XRN2: variants seen among roughly 807,000 people sequenced by gnomAD.
XRN2 encodes 5'-3' exoribonuclease 2.
In XRN2, 44 loss-of-function variants were observed where a neutral mutation model predicts 138.5. That is an observed-to-expected ratio of 0.32 (90% CI 0.25 to 0.41). The LOEUF is 0.41. XRN2 is among the 10% of genes least tolerant of loss of function. The pLI, the probability that XRN2 is intolerant of heterozygous loss-of-function variation, is 1.00. For synonymous variants in XRN2, 354 were observed against 369.4 expected, an observed-to-expected ratio of 0.96 and a Z score of 0.48; for missense variants, 937 against 1,169.3, an observed-to-expected ratio of 0.80 and a Z score of 2.90.
intron 27 of XRN2, among the ~76,000 whole-genome samples, chr20:21,373,953 G>T (rs1257045962): frequency 1.3e-5 from 2 of 152,168 alleles, no homozygotes; most frequent in African/African-American, 4.8e-5. Context: ...ATGAACAGAG[G>T]TTTATGCCAG....
chr20:21,343,574 T>G (rs1457825259), intron 15 of XRN2, among the ~76,000 whole-genome samples: 1 of 151,062 alleles, frequency 6.6e-6, no homozygotes, highest in African/African-American at 2.4e-5. Flanking sequence ...AGCTGCATTC[T>G]CACCAGCATT....
chr20:21,326,653 A>G, intron 3 of XRN2, 52 bp downstream of exon 3: 1 of 1,409,458 alleles, frequency 7.1e-7, no homozygotes. Flanking sequence ...TTGCTGTGTT[A>G]CCAGTGTCTA....
chr20:21,365,547 TA>T, intron 25 of XRN2, 25 bp from the exon 26 acceptor site: 1 of 1,613,312 alleles, frequency 6.2e-7, no homozygotes, highest in South Asian at 1.1e-5. Flanking sequence ...TCCCTATTAC[TA>T]AGTGTTGTCT....
chr20:21,379,383 T>C (rs1425286709), intron 27 of XRN2, among the ~76,000 whole-genome samples: 1 of 152,216 alleles, frequency 6.6e-6, no homozygotes, highest in Non-Finnish European at 1.5e-5. Context: ...CCAGGTTATA[T>C]ATGTTACTAA....
chr20:21,361,058 A>T (rs1262960537), intron 24 of XRN2, among the ~76,000 whole-genome samples: 1 of 152,212 alleles, frequency 6.6e-6, no homozygotes, highest in Non-Finnish European at 1.5e-5. Flanking sequence ...AATTATGTTA[A>T]CACTCTCTAA....
At chr20:21,316,007 C>CT (rs1346489965) in intron 1 of XRN2, among the ~76,000 whole-genome samples, 1 of 152,148 alleles carries the variant, frequency 6.6e-6, no homozygotes, top group Non-Finnish European at 1.5e-5. Context: ...AATCGCAGCA[C>CT]TTTGGGAGGC....
intron 1 of XRN2, among the ~76,000 whole-genome samples, chr20:21,313,140 T>C (rs1268752589): frequency 6.6e-6 from 1 of 152,246 alleles, no homozygotes; most frequent in Non-Finnish European, 1.5e-5. Context: ...GCTCCTAAGT[T>C]AGGCTTTTCC....
At chr20:21,323,464 G>T (rs6137314) in intron 1 of XRN2, among the ~76,000 whole-genome samples, 2 of 152,122 alleles carry the variant, frequency 1.3e-5, no homozygotes, top group Non-Finnish European at 2.9e-5. Context: ...CTTTGATTAA[G>T]GATCTCTCTT....
In XRN2 at chr20:21,367,236, A is replaced by G. The variant is rs2038714778; in HGVS notation, c.2457-1227A>G. Among the ~76,000 whole-genome samples, 3 of 152,180 alleles carry G rather than the reference A, an allele frequency of 2.0e-5. No individual in the cohort carries two copies. In the South Asian group the frequency reaches 6.2e-4, roughly 31 times the overall value. On this transcript the variant is annotated intron_variant, in intron 26 of 29. Coordinates refer to ENST00000377191, the MANE Select transcript of XRN2 (RefSeq NM_012255.5). ...TGAATTGTCTTTTTCCTAGCTGTAG[A>G]AGATACTATAGAGAGAGGGGACTTG...
chr20:21,377,066 A>G (rs951957739), intron 27 of XRN2, among the ~76,000 whole-genome samples: 4 of 152,164 alleles, frequency 2.6e-5, no homozygotes, highest in African/African-American at 9.7e-5. Flanking sequence ...TGGACTTCCT[A>G]GAAGGCAACC....
At chr20:21,345,519 C>A (rs1364027880) in intron 16 of XRN2, among the ~76,000 whole-genome samples, 2 of 151,992 alleles carry the variant, frequency 1.3e-5, no homozygotes, top group Admixed American at 6.6e-5. Flanking sequence ...GGAAAAGAGG[C>A]CTAAATGGAG....
chr20:21,375,808 GTTTT>G lies in XRN2; in HGVS notation c.2585-6184_2585-6181del, dbSNP rs2038813789. Among the ~76,000 whole-genome samples, 4 of 147,636 alleles carry G rather than the reference GTTTT, an allele frequency of 2.7e-5. No homozygotes were observed. In the South Asian group the frequency reaches 6.3e-4, roughly 23 times the overall value. On this transcript the variant is annotated intron_variant, in intron 27 of 29. Transcript: ENST00000377191. ...TATCCCACTCCCACCAATACCAGGTGTTTTTATTTATTTATTTATTTTTTATTTA... is the reference window on the plus strand; with the variant it reads ...TATCCCACTCCCACCAATACCAGGTGTATTTATTTATTTATTTTTTATTTA...
At chr20:21,369,273 C>G (rs2038736986) in intron 27 of XRN2, among the ~76,000 whole-genome samples, 3 of 152,202 alleles carry the variant, frequency 2.0e-5, no homozygotes, top group African/African-American at 7.2e-5. Context: ...GAACAGTACT[C>G]CATTGTGTAT....
intron 1 of XRN2, among the ~76,000 whole-genome samples, chr20:21,312,378 GC>G (rs2037893502): frequency 6.6e-6 from 1 of 152,104 alleles, no homozygotes; most frequent in Non-Finnish European, 1.5e-5. Context: ...ACAGGTGTGA[GC>G]CACCGTGCCC....
chr20:21,385,068 T>A (rs568545711), intron 28 of XRN2, among the ~76,000 whole-genome samples: 2 of 152,342 alleles, frequency 1.3e-5, no homozygotes, highest in East Asian at 3.9e-4. Context: ...TTATAAGTAA[T>A]CAATTCAAAC....
intron 8 of XRN2, among the ~76,000 whole-genome samples, 179 bp from the exon 9 acceptor site, chr20:21,332,104 C>T (rs954235385): frequency 2.0e-5 from 3 of 152,154 alleles, no homozygotes; most frequent in Non-Finnish European, 2.9e-5. Context: ...TGTAGGTCCA[C>T]GTATCTAGAG....
chr20:21,365,619 A>G lies in XRN2; in HGVS notation c.2371A>G (p.Asn791Asp). 1 of 1,613,356 alleles carries G rather than the reference A, an allele frequency of 6.2e-7. No homozygotes were observed. The highest frequency in any genetic ancestry group is 8.5e-7 in the Non-Finnish European group (1 of 1,179,970). The stretch of plus-strand genomic sequence containing the variant: ...ACCTAGTGACTGGGAAAAATCCAGC[A>G]ATGGACGGCAGTGGAAGCCTCAGCT... ...LKPSDWEKSS[N>D]GRQWKPQLGF... The change falls in exon 26 of 30, where the codon AAT (asparagine) becomes GAT (aspartate). Residue 791 changes from asparagine to aspartate, a missense_variant. Physicochemically the swap from Asn to Asp is conservative, Grantham distance 23. Around this residue, in one of 6 missense-constraint regions of XRN2, gnomAD observed 372 missense variants for 414.4 expected, o/e 0.90. Coordinates refer to ENST00000377191, the MANE Select transcript of XRN2 (RefSeq NM_012255.5).
intron 27 of XRN2, among the ~76,000 whole-genome samples, chr20:21,375,999 C>T (rs1009622813): frequency 2.6e-5 from 4 of 152,026 alleles, no homozygotes; most frequent in African/African-American, 4.8e-5. Flanking sequence ...CCACTACACT[C>T]GGCTAATTTT....
chr20:21,320,460 C>T (rs982669638), intron 1 of XRN2, among the ~76,000 whole-genome samples: 9 of 150,978 alleles, frequency 6.0e-5, no homozygotes, highest in East Asian at 5.9e-4. Context: ...CCACCACATC[C>T]GGCTAATTTT....
Sources: allele counts gnomAD v4.1 joint callset (sites outside exome capture counted in the v4.1 genomes callset), GRCh38; gene constraint gnomAD v4.1.1; regional missense constraint gnomAD v4.1.1; transcripts MANE v1.5; gene names NCBI Gene and HGNC (gene_info 2026-07-23, HGNC 2026-07-21).